ROCK2: variants seen among roughly 807,000 people sequenced by gnomAD.
ROCK2 encodes the protein Rho associated coiled-coil containing protein kinase 2.
In ROCK2, 61 loss-of-function variants were observed where a neutral mutation model predicts 195.1. That is an observed-to-expected ratio of 0.31 (90% CI 0.25 to 0.39). The LOEUF (loss-of-function observed/expected upper bound fraction) is 0.39, where lower values mean the gene tolerates loss of function less well. ROCK2 is among the 10% of genes least tolerant of loss of function. The pLI, the probability that ROCK2 is intolerant of heterozygous loss-of-function variation, is 1.00. For missense variants in ROCK2, 1,109 were observed against 1,637.4 expected (o/e 0.68, Z 5.57); for synonymous variants, 504 against 545.5 (o/e 0.92, Z 1.06).
At chr2:11,193,377 G>A (rs766696597) in intron 30 of ROCK2, among the ~76,000 whole-genome samples, 7 of 151,938 alleles carry the variant, frequency 4.6e-5, no homozygotes, top group Non-Finnish European at 8.8e-5. Context: ...ACTTTAAATC[G>A]GAGGTAAAAG....
chr2:11,265,835 C>T (rs1210376056), intron 3 of ROCK2, among the ~76,000 whole-genome samples: 1 of 152,014 alleles, frequency 6.6e-6, no homozygotes, highest in African/African-American at 2.4e-5. Flanking sequence ...TTACTCACAC[C>T]TGTAATCCCA....
chr2:11,237,599 G>T (rs187518729), intron 4 of ROCK2, among the ~76,000 whole-genome samples: 3 of 152,126 alleles, frequency 2.0e-5, no homozygotes, highest in Non-Finnish European at 2.9e-5. Flanking sequence ...AATCATATTG[G>T]CAACAAACCT....
In ROCK2 at chr2:11,214,113, C is replaced by T. The variant is rs1214926763; in HGVS notation, c.2043+244G>A. 2.6e-5 allele frequency among the ~76,000 whole-genome samples: 4 copies of T among 152,128 alleles called. No homozygotes were observed. In the East Asian group the frequency reaches 7.7e-4, roughly 29 times the overall value. On this transcript the variant is annotated intron_variant, in intron 17 of 32. Transcript: ENST00000315872. ...TTTCCTTGGGTCCTAGAGAGATCCT[C>T]ATTATCTACACTCCAGGATGGGTCC...
chr2:11,211,283 A>G (rs1371708852), intron 18 of ROCK2, among the ~76,000 whole-genome samples: 2 of 152,204 alleles, frequency 1.3e-5, no homozygotes, highest in Non-Finnish European at 2.9e-5. Flanking sequence ...AGAATTTTAT[A>G]ATACAAAACT....
At position 11,183,313 on chromosome 2, in the gene ROCK2, G is replaced by C. The variant is rs1041901637; in HGVS notation, c.*124C>G. On this transcript the variant is annotated 3_prime_UTR_variant, in exon 33 of 33. Coordinates refer to ENST00000315872, the MANE Select transcript of ROCK2 (RefSeq NM_004850.5). ...AAAAGGGGAACACATATATGTATGA[G>C]TGTATGTATCAGTCTCTCAGGAAAA... is the stretch of plus-strand genomic sequence containing the variant. The C allele has an allele frequency of 1.4e-6, 1 of 691,862 alleles. No individual in the cohort carries two copies. The highest frequency in any genetic ancestry group is 2.5e-6 in the Non-Finnish European group (1 of 403,018). 42.9% of individuals were successfully genotyped at this position (691,862 alleles called of 1,614,324 possible).
intron 4 of ROCK2, among the ~76,000 whole-genome samples, chr2:11,239,922 C>T (rs1413582018): frequency 6.6e-6 from 1 of 152,176 alleles, no homozygotes; most frequent in African/African-American, 2.4e-5. Flanking sequence ...CAGCACAGTG[C>T]TATATTTATG....
chr2:11,267,808 G>T (rs562726459), intron 3 of ROCK2, among the ~76,000 whole-genome samples: 3 of 151,132 alleles, frequency 2.0e-5, no homozygotes, highest in Non-Finnish European at 4.4e-5. Flanking sequence ...ACCAAGCCCG[G>T]CTAATTTTTT....
chr2:11,342,724 A>G lies in ROCK2; in HGVS notation c.141+1272T>C, dbSNP rs547856954. ...AAGACTTTCAAAGACTGCTCCCATTAAAACATAGGAACAACACATTAACCC... is the reference window on the plus strand; with the variant it reads ...AAGACTTTCAAAGACTGCTCCCATTGAAACATAGGAACAACACATTAACCC... On this transcript the variant is annotated intron_variant, in intron 1 of 32. Coordinates refer to ENST00000315872, the MANE Select transcript of ROCK2 (RefSeq NM_004850.5). 1.1e-4 allele frequency among the ~76,000 whole-genome samples: 16 copies of G among 152,356 alleles called. No homozygotes were observed. The South Asian group carries it at 3.1e-3, about 30-fold the overall frequency.
rs546172009 is a variant in ROCK2, at chr2:11,343,103, A to G, written c.141+893T>C. Among the ~76,000 whole-genome samples the G allele has an allele frequency of 7.9e-4, 120 of 152,294 alleles. 1 individual carries two copies. The highest frequency in any genetic ancestry group is 2.8e-3 in the African/African-American group (117 of 41,568). On this transcript the variant is annotated intron_variant, in intron 1 of 32. Coordinates refer to ENST00000315872, the MANE Select transcript of ROCK2 (RefSeq NM_004850.5). ...CTTCCAGAGTCAATTTAATACACAGAGTATCGTTTTCACCTTTCTTCCCCT... is the reference window on the plus strand; with the variant it reads ...CTTCCAGAGTCAATTTAATACACAGGGTATCGTTTTCACCTTTCTTCCCCT...
At chr2:11,209,161 A>C (rs761774911) in intron 18 of ROCK2, among the ~76,000 whole-genome samples, 11 of 152,202 alleles carry the variant, frequency 7.2e-5, no homozygotes, top group Non-Finnish European at 1.5e-4. Context: ...AGGACTTTCC[A>C]TGTTAACACA....
intron 1 of ROCK2, among the ~76,000 whole-genome samples, chr2:11,335,361 G>A (rs1434707955): frequency 6.6e-6 from 1 of 152,160 alleles, no homozygotes; most frequent in Non-Finnish European, 1.5e-5. Flanking sequence ...AGTGAGTATA[G>A]TTTTAGTTGA....
At position 11,267,344 on chromosome 2, in the gene ROCK2, C is replaced by A. The variant is rs536498929; in HGVS notation, c.325-17546G>T. Among the ~76,000 whole-genome samples, 3 of 152,256 alleles carry A rather than the reference C, an allele frequency of 2.0e-5. No homozygotes were observed. The East Asian group carries it at 5.8e-4, about 29-fold the overall frequency. On this transcript the variant is annotated intron_variant, in intron 3 of 32. Coordinates refer to ENST00000315872, the MANE Select transcript of ROCK2 (RefSeq NM_004850.5). ...TCAGAAAGACTCACGCCTGTGGTCA[C>A]CACGATCTCTGAGTTAGAAAATGGA...
Position 11,192,075 on chromosome 2 carries a change from T to G in ROCK2, c.4163+73A>C. 3 of 1,083,206 alleles carry G rather than the reference T, an allele frequency of 2.8e-6. No homozygotes were observed. The highest frequency in any genetic ancestry group is 4.0e-6 in the Non-Finnish European group (3 of 743,556). The allele number at this position is 1,083,206 out of a possible 1,614,324, so 67.1% of individuals were successfully genotyped here. On this transcript the variant is annotated intron_variant, in intron 32 of 32. Coordinates refer to ENST00000315872, the MANE Select transcript of ROCK2 (RefSeq NM_004850.5). This position sits in a 1 kb window ranked among gnomAD's most constrained non-coding sequence, Gnocchi z 5.0. Reference sequence around the variant, plus strand: ...CAAAGGAAAACTAATTAGGAAAATTTGTAGTTTGAACATAAATAGCAAAAT... The same window carrying G: ...CAAAGGAAAACTAATTAGGAAAATTGGTAGTTTGAACATAAATAGCAAAAT...
chr2:11,253,348 T>C (rs973103808), intron 3 of ROCK2, among the ~76,000 whole-genome samples: 1 of 152,192 alleles, frequency 6.6e-6, no homozygotes, highest in Non-Finnish European at 1.5e-5. Flanking sequence ...AGGATCTTTA[T>C]GGGTACTGGA....
chr2:11,227,446 C>T (rs778423835), intron 5 of ROCK2, 48 bp from the exon 6 acceptor site: 18 of 1,546,908 alleles, frequency 1.2e-5, no homozygotes, highest in Admixed American at 1.9e-5. Flanking sequence ...TGTAAAAACA[C>T]ACACTTATAA....
At chr2:11,309,076 A>T in intron 1 of ROCK2, 1 of 1,324,566 alleles carries the variant, frequency 7.5e-7, no homozygotes, top group Non-Finnish European at 1.0e-6. Flanking sequence ...AGGGAGTCCA[A>T]TGCAAAGCTG....
At chr2:11,224,949 C>A (rs7586803) in intron 6 of ROCK2, among the ~76,000 whole-genome samples, 3,370 of 152,214 alleles carry the variant, frequency 0.022, 57 homozygotes, top group East Asian at 0.053. Flanking sequence ...CCTAGTTATA[C>A]TAGCCACATT....
At chr2:11,271,129 T>A (rs1285967422) in intron 3 of ROCK2, among the ~76,000 whole-genome samples, 1 of 152,016 alleles carries the variant, frequency 6.6e-6, no homozygotes, top group East Asian at 1.9e-4. Context: ...GAGTTGTGTA[T>A]TAACCTTCCC....
intron 23 of ROCK2, among the ~76,000 whole-genome samples, chr2:11,199,342 T>G (rs1218846780): frequency 1.3e-5 from 2 of 151,558 alleles, no homozygotes; most frequent in Non-Finnish European, 2.9e-5. Flanking sequence ...AGACAAGGTC[T>G]CAAGCTCTGT....
Sources: allele counts gnomAD v4.1 joint callset (sites outside exome capture counted in the v4.1 genomes callset), GRCh38; gene constraint gnomAD v4.1.1; non-coding constraint Gnocchi (gnomAD v3.1); transcripts MANE v1.5; gene names NCBI Gene and HGNC (gene_info 2026-07-23, HGNC 2026-07-21).